The following DYNC1H1 variants were observed in gnomAD, a reference collection of about 807,000 sequenced individuals.
DYNC1H1 encodes cytoplasmic dynein 1 heavy chain 1.
A neutral mutation model predicts 527.1 loss-of-function variants in DYNC1H1; 51 were observed. The observed-to-expected ratio is 0.10, with a 90% CI of 0.08 to 0.12. The LOEUF (loss-of-function observed/expected upper bound fraction) is 0.12. Ranked by LOEUF, DYNC1H1 falls within the 10% of genes least tolerant of loss-of-function variation. The pLI is 1.00. For synonymous variants in DYNC1H1, 2,189 were observed against 2,278.8 expected, an observed-to-expected ratio of 0.96 and a Z score of 1.12; for missense variants, 2,771 against 5,971.8, an observed-to-expected ratio of 0.46 and a Z score of 17.66.
At position 102,012,305 on chromosome 14, in the gene DYNC1H1, C is replaced by A; in HGVS notation, c.6858-9C>A. ...AATCAGCAGCTATTTTAAAATCCTT[C>A]CCAACCAGGATCATCGACAGCGTGA... is the stretch of plus-strand genomic sequence containing the variant. On this transcript the variant is annotated splice_polypyrimidine_tract_variant and intron_variant, in intron 33 of 77. Transcript: ENST00000360184. The surrounding 1 kb of genome is among the most constrained non-coding windows in gnomAD (Gnocchi z 4.9). 1 of 1,614,176 alleles carries A rather than the reference C, an allele frequency of 6.2e-7. No homozygotes were observed. Among genetic ancestry groups the A allele is most frequent in the South Asian group, 1.1e-5 (1 of 91,074 alleles).
Position 102,036,345 on chromosome 14 carries a change from A to G in DYNC1H1, c.10755-144A>G. 9.9e-7 allele frequency: 1 copy of G among 1,005,672 alleles called. No homozygotes were observed. The highest frequency in any genetic ancestry group is 1.5e-6 in the Non-Finnish European group (1 of 651,322). The allele number at this position is 1,005,672 out of a possible 1,614,324, so 62.3% of individuals were successfully genotyped here. A position where few individuals can be genotyped will look rare whatever the true frequency, so the allele number is the denominator to read the frequency against. ...ATTAAGCATGTAAGCTTTATTGGTA[A>G]ACCTGAAAACGTCTCCGGAAACCAC... On this transcript the variant is annotated intron_variant, in intron 56 of 77. Coordinates refer to ENST00000360184, the MANE Select transcript of DYNC1H1 (RefSeq NM_001376.5). The surrounding 1 kb of genome is among the most constrained non-coding windows in gnomAD (Gnocchi z 5.6).
In DYNC1H1 at chr14:102,012,615, C is replaced by A; in HGVS notation, c.7014+145C>A. The A allele has an allele frequency of 8.7e-7, 1 of 1,146,254 alleles. No homozygotes were observed. Among genetic ancestry groups the A allele is most frequent in the Non-Finnish European group, 1.3e-6 (1 of 775,980 alleles). 71.0% of individuals were successfully genotyped at this position (1,146,254 alleles called of 1,614,324 possible). On this transcript the variant is annotated intron_variant, in intron 34 of 77. Transcript: ENST00000360184. The surrounding 1 kb of genome is among the most constrained non-coding windows in gnomAD (Gnocchi z 4.9). ...TGTAAGTAATTTTCAAAGATAGCATCTCAACTGCTAGATTTTTTTTCCATT... is the reference window on the plus strand; with the variant it reads ...TGTAAGTAATTTTCAAAGATAGCATATCAACTGCTAGATTTTTTTTCCATT...
rs755626459 is a variant in DYNC1H1, at chr14:101,997,147, G to A, written c.3677G>A (p.Arg1226Gln). 5.0e-6 allele frequency: 8 copies of A among 1,614,000 alleles called. No individual in the cohort carries two copies. Among genetic ancestry groups the A allele is most frequent in the Admixed American group, 1.7e-5 (1 of 59,994 alleles). The part of the protein sequence containing the change: ...GEWGAFNDIM[R>Q]RKDSAIQQQV... ...TGGGGAGCCTTCAATGACATCATGC[G>A]GCGAAAGGACTCTGCCATTCAGCAG... is the stretch of plus-strand genomic sequence containing the variant. The change falls in exon 16 of 78, where the codon CGG becomes CAG. Residue 1226 changes from arginine to glutamine, a missense_variant. Physicochemically the swap from Arg to Gln is conservative, Grantham distance 43 (BLOSUM62 1). Transcript: ENST00000360184. The surrounding 1 kb of genome is among the most constrained non-coding windows in gnomAD (Gnocchi z 4.8).
chr14:102,007,141 AAT>A (rs1311798842), intron 28 of DYNC1H1, 33 bp downstream of exon 28: 5 of 1,603,888 alleles, frequency 3.1e-6, no homozygotes, highest in Middle Eastern at 1.6e-4. Context: ...CCTAAAATGT[AAT>A]GCCCTGCAGG....
intron 29 of DYNC1H1, among the ~76,000 whole-genome samples, 189 bp downstream of exon 29, chr14:102,008,526 G>T (rs578074253): frequency 6.6e-6 from 1 of 152,134 alleles, no homozygotes; most frequent in Non-Finnish European, 1.5e-5. Flanking sequence ...AGTGGCTCAC[G>T]TGTGTAATCC....
At chr14:102,030,425 G>C in intron 51 of DYNC1H1, 143 bp downstream of exon 51, 3 of 1,253,912 alleles carry the variant, frequency 2.4e-6, no homozygotes, top group East Asian at 4.8e-5. Context: ...ACCATCTGAA[G>C]CTTTTTCTGA....
Position 102,042,274 on chromosome 14 carries a change from T to C in DYNC1H1, c.12261T>C (p.Ala4087=), listed in dbSNP as rs748396523. The part of the protein sequence containing the change: ...FNQADKAINT[A]VKSGRWVMLK... The stretch of plus-strand genomic sequence containing the variant: ...AAGCAGATAAGGCAATAAACACCGC[T>C]GTAAAGTCGGGCAGGTAGGCCTGTT... Residue 4087 remains alanine, a synonymous_variant, in exon 67 of 78, where the codon GCT becomes GCC. Transcript: ENST00000360184. The surrounding 1 kb of genome is among the most constrained non-coding windows in gnomAD (Gnocchi z 5.7). 1.2e-6 allele frequency: 2 copies of C among 1,614,056 alleles called. No individual in the cohort carries two copies. The highest frequency in any genetic ancestry group is 1.7e-6 in the Non-Finnish European group (2 of 1,180,010).
chr14:101,981,368 C>T (rs1395230705), intron 5 of DYNC1H1, among the ~76,000 whole-genome samples: 2 of 152,224 alleles, frequency 1.3e-5, no homozygotes, highest in Non-Finnish European at 2.9e-5. Context: ...AGCAATCCTC[C>T]TGCCTTGGCC....
Position 102,050,384 on chromosome 14 carries a change from A to C in DYNC1H1, c.13813-51A>C, listed in dbSNP as rs779061534. The C allele has an allele frequency of 2.8e-5, 45 of 1,614,050 alleles. No individual in the cohort carries two copies. In the Middle Eastern group the frequency reaches 4.9e-4, roughly 18 times the overall value. On this transcript the variant is annotated intron_variant, in intron 77 of 77. Transcript: ENST00000360184. Reference sequence around the variant, plus strand: ...CATCAGCTGTCCCGGGCAGTCTTCCAGTTTTCTTACTTTTCCCTTAAGCCA... The same window carrying C: ...CATCAGCTGTCCCGGGCAGTCTTCCCGTTTTCTTACTTTTCCCTTAAGCCA...
Position 102,049,854 on chromosome 14 carries a change from C to A in DYNC1H1, c.13656C>A (p.Thr4552=). 3 of 1,613,918 alleles carry A rather than the reference C, an allele frequency of 1.9e-6. No homozygotes were observed. Among genetic ancestry groups the A allele is most frequent in the Non-Finnish European group, 2.5e-6 (3 of 1,180,028 alleles). Residue 4552 remains threonine, a synonymous_variant, in exon 76 of 78, where the codon ACC becomes ACA. Coordinates refer to ENST00000360184, the MANE Select transcript of DYNC1H1 (RefSeq NM_001376.5). The surrounding 1 kb of genome is among the most constrained non-coding windows in gnomAD (Gnocchi z 5.5). The stretch of plus-strand genomic sequence containing the variant: ...ACGTCACCACCTCACAGGGCGCCAC[C>A]CTTGACGCTTGCAGCTTCGGAGTCA... ...EVNVTTSQGA[T]LDACSFGVTG... is the part of the protein sequence containing the mutation.
intron 51 of DYNC1H1, 136 bp downstream of exon 51, chr14:102,030,418 A>T: frequency 8.3e-6 from 11 of 1,321,880 alleles, no homozygotes; most frequent in Non-Finnish European, 1.1e-5. Flanking sequence ...ATTAGTAACC[A>T]TCTGAAGCTT....
In DYNC1H1 at chr14:101,994,343, C is replaced by T. The variant is rs1232094982; in HGVS notation, c.3156+19C>T. 6.2e-7 allele frequency: 1 copy of T among 1,613,990 alleles called. No individual in the cohort carries two copies. The highest frequency in any genetic ancestry group is 8.5e-7 in the Non-Finnish European group (1 of 1,180,028). Reference sequence around the variant, plus strand: ...TGTCAAGGTAAGAAACTCCTAATTTCATTCAAATGTGCATATGGTCTATTC... The same window carrying T: ...TGTCAAGGTAAGAAACTCCTAATTTTATTCAAATGTGCATATGGTCTATTC... On this transcript the variant is annotated intron_variant, in intron 12 of 77. Transcript: ENST00000360184.
chr14:102,040,519 G>C, intron 63 of DYNC1H1, 79 bp from the exon 64 acceptor site: 1 of 1,609,844 alleles, frequency 6.2e-7, no homozygotes, highest in Admixed American at 1.7e-5. Flanking sequence ...GCGCTCTCGC[G>C]TCAGACTCTC....
intron 12 of DYNC1H1, 147 bp from the exon 13 acceptor site, chr14:101,994,526 T>C (rs1240148806): frequency 7.6e-7 from 1 of 1,321,454 alleles, no homozygotes; most frequent in Non-Finnish European, 1.0e-6. Flanking sequence ...TCTTTTTTGA[T>C]ATGAAAATTC....
Position 102,011,129 on chromosome 14 carries a change from GA to G in DYNC1H1, c.6618+179del. ...GAATTTTTGTTGTTGTTGTTTAAAT[GA>G]AGAGGAAACAATACTTAACCTGAAA... On this transcript the variant is annotated intron_variant, in intron 32 of 77. Coordinates refer to ENST00000360184, the MANE Select transcript of DYNC1H1 (RefSeq NM_001376.5). This position sits in a 1 kb window ranked among gnomAD's most constrained non-coding sequence, Gnocchi z 5.3. 2.8e-6 allele frequency: 2 copies of G among 726,466 alleles called. No homozygotes were observed. Among genetic ancestry groups the G allele is most frequent in the East Asian group, 5.4e-5 (2 of 36,894 alleles). 45.0% of individuals were successfully genotyped at this position (726,466 alleles called of 1,614,324 possible).
intron 4 of DYNC1H1, 27 bp from the exon 5 acceptor site, chr14:101,980,336 AC>A: frequency 6.2e-7 from 1 of 1,612,526 alleles, no homozygotes. Context: ...AATAGTGAAT[AC>A]CCTTGGGTGT....
chr14:101,978,936 A>G (rs2047831819), intron 2 of DYNC1H1, among the ~76,000 whole-genome samples: 1 of 152,198 alleles, frequency 6.6e-6, no homozygotes, highest in African/African-American at 2.4e-5. Context: ...GCTGAGTAGG[A>G]CCAGACTAAG....
rs2180510 is a variant in DYNC1H1 at position 102,019,863 on chromosome 14, G to A, written c.8344-30G>A. The A allele has an allele frequency of 0.14, 223,169 of 1,613,096 alleles. 19,750 individuals carry two copies. Among genetic ancestry groups the A allele is most frequent in the African/African-American group, 0.39 (29,014 of 74,878 alleles). On this transcript the variant is annotated intron_variant, in intron 41 of 77. Transcript: ENST00000360184. ...CTTCTCTGTGTCTTAAGATATTTAC[G>A]TGTACCTTCCATTTTTCTCATTGCC...
In DYNC1H1 at chr14:102,012,599, T is replaced by C; in HGVS notation, c.7014+129T>C. On this transcript the variant is annotated intron_variant, in intron 34 of 77. Transcript: ENST00000360184. This position sits in a 1 kb window ranked among gnomAD's most constrained non-coding sequence, Gnocchi z 4.9. ...GGAGTAGTGATCATTGTGTAAGTAATTTTCAAAGATAGCATCTCAACTGCT... is the reference window on the plus strand; with the variant it reads ...GGAGTAGTGATCATTGTGTAAGTAACTTTCAAAGATAGCATCTCAACTGCT... 7.6e-7 allele frequency: 1 copy of C among 1,309,860 alleles called. No homozygotes were observed. Among genetic ancestry groups the C allele is most frequent in the African/African-American group, 1.4e-5 (1 of 68,980 alleles). The allele number at this position is 1,309,860 out of a possible 1,614,324, so 81.1% of individuals were successfully genotyped here. A position where few individuals can be genotyped will look rare whatever the true frequency, so the allele number is the denominator to read the frequency against.
Sources: allele counts gnomAD v4.1 joint callset (sites outside exome capture counted in the v4.1 genomes callset), GRCh38; gene constraint gnomAD v4.1.1; non-coding constraint Gnocchi (gnomAD v3.1); transcripts MANE v1.5; gene names NCBI Gene and HGNC (gene_info 2026-07-23, HGNC 2026-07-21).